Variants in SPTBN1 observed in about 807,000 individuals in gnomAD.
SPTBN1 encodes spectrin beta chain, non-erythrocytic 1.
A neutral mutation model predicts 266.4 loss-of-function variants in SPTBN1; 32 were observed. The ratio of observed to expected loss-of-function variants is 0.12; its 90% confidence interval spans 0.09 to 0.16. The LOEUF is 0.16. SPTBN1 is among the 10% of genes least tolerant of loss of function. SPTBN1 has a pLI of 1.00. For missense variants in SPTBN1, 2,296 were observed against 3,067.1 expected (o/e 0.75, Z 5.94); for synonymous variants, 1,336 against 1,162.2 (o/e 1.15, Z -3.04).
At chr2:54,560,263 C>T (rs1573414218) in intron 2 of SPTBN1, among the ~76,000 whole-genome samples, 1 of 152,012 alleles carries the variant, frequency 6.6e-6, no homozygotes, top group Non-Finnish European at 1.5e-5. Context: ...GCGTGCTCCT[C>T]CTCTTCCCCT....
In SPTBN1 at chr2:54,533,900, T is replaced by TCTCACACACACA. The variant is rs1671427483; in HGVS notation, c.148+7335_148+7336insTCACACACACAC. ...ATTGATCTCTCTCTCTGTCTCTCTCTCACACACACACACACACACACACAC... is the reference window on the plus strand; with the variant it reads ...ATTGATCTCTCTCTCTGTCTCTCTCTCTCACACACACACACACACACACACACACACACACAC... On this transcript the variant is annotated intron_variant, in intron 2 of 35. Transcript: ENST00000356805. The surrounding 1 kb of genome is among the most constrained non-coding windows in gnomAD (Gnocchi z 4.2). Among the ~76,000 whole-genome samples, 1 of 150,218 alleles carries TCTCACACACACA rather than the reference T, an allele frequency of 6.7e-6. No homozygotes were observed. The highest frequency in any genetic ancestry group is 1.5e-5 in the Non-Finnish European group (1 of 67,642).
At chr2:54,490,831 A>G (rs1415155331) in intron 1 of SPTBN1, among the ~76,000 whole-genome samples, 1 of 152,010 alleles carries the variant, frequency 6.6e-6, no homozygotes, top group Non-Finnish European at 1.5e-5. Flanking sequence ...GGGGAACAGC[A>G]GGCAGAAAGC....
chr2:54,485,029 C>G (rs1286688023), intron 1 of SPTBN1, among the ~76,000 whole-genome samples: 2 of 150,164 alleles, frequency 1.3e-5, no homozygotes, highest in African/African-American at 5.0e-5. Context: ...TCTTATCACA[C>G]AGTGTGTAGA....
intron 2 of SPTBN1, among the ~76,000 whole-genome samples, chr2:54,536,563 T>G (rs1671613353): frequency 6.6e-6 from 1 of 152,208 alleles, no homozygotes; most frequent in South Asian, 2.1e-4. Context: ...AGCAGTCCAG[T>G]GGAGAGGGGT....
rs184919996 is a variant in SPTBN1, at chr2:54,510,711, G to C, written c.-47-15661G>C. Among the ~76,000 whole-genome samples the C allele has an allele frequency of 1.5e-3, 235 of 152,302 alleles. 2 individuals are homozygous for C. Among genetic ancestry groups the C allele is most frequent in the African/African-American group, 5.0e-3 (208 of 41,570 alleles). On this transcript the variant is annotated intron_variant, in intron 1 of 35. Coordinates refer to ENST00000356805, the MANE Select transcript of SPTBN1 (RefSeq NM_003128.3). ...AGATGAAGTTATGGACTTGATTTTG[G>C]TCAAGTAAGTAGTTGAAAAATGCAG...
chr2:54,617,267 A>G (rs1379112419), intron 5 of SPTBN1, among the ~76,000 whole-genome samples: 1 of 152,190 alleles, frequency 6.6e-6, no homozygotes, highest in Non-Finnish European at 1.5e-5. Flanking sequence ...GTGTCTTTGT[A>G]GGTAGAGTAG....
intron 3 of SPTBN1, among the ~76,000 whole-genome samples, chr2:54,607,226 C>T (rs1197407260): frequency 1.3e-5 from 2 of 152,138 alleles, no homozygotes; most frequent in Non-Finnish European, 2.9e-5. Flanking sequence ...TGAAAAATAA[C>T]AATACAGAAA....
In SPTBN1 at chr2:54,653,320, G is replaced by T. The variant is rs1189314044; in HGVS notation, c.5578-289G>T. On this transcript the variant is annotated intron_variant, in intron 26 of 35. Coordinates refer to ENST00000356805, the MANE Select transcript of SPTBN1 (RefSeq NM_003128.3). This position sits in a 1 kb window ranked among gnomAD's most constrained non-coding sequence, Gnocchi z 5.1. ...AATATGTCCCACTCAGATATCCCAGGCTGCCTCCAGGGGACTTTCCCTGAC... is the reference window on the plus strand; with the variant it reads ...AATATGTCCCACTCAGATATCCCAGTCTGCCTCCAGGGGACTTTCCCTGAC... 2 of 341,848 alleles carry T rather than the reference G, an allele frequency of 5.9e-6. No homozygotes were observed. Among genetic ancestry groups the T allele is most frequent in the Non-Finnish European group, 1.1e-5 (2 of 190,064 alleles). The allele number at this position is 341,848 out of a possible 1,614,324, so 21.2% of individuals were successfully genotyped here.
intron 1 of SPTBN1, among the ~76,000 whole-genome samples, chr2:54,467,418 A>T (rs116615338): frequency 6.6e-6 from 1 of 152,150 alleles, no homozygotes. Context: ...GTTGGAGACA[A>T]AGTCTTGCTC....
chr2:54,655,934 G>C lies in SPTBN1; in HGVS notation c.5982G>C (p.Gln1994His), dbSNP rs1468250475. 6.2e-7 allele frequency: 1 copy of C among 1,613,288 alleles called. No homozygotes were observed. Among genetic ancestry groups the C allele is most frequent in the East Asian group, 2.2e-5 (1 of 44,858 alleles). ...TACAGATCAAGGAAAAATTACTGCA[G>C]TTGACGGAAAAGAGGAAAGAAATGA... ...ASEEIKEKLLQLTEKRKEMID... is the reference protein window; with the variant it reads ...ASEEIKEKLLHLTEKRKEMID... The change falls in exon 29 of 36, where the codon CAG (glutamine) becomes CAC (histidine). Residue 1994 changes from glutamine to histidine, a missense_variant. Gln to His is a conservative substitution (Grantham distance 24). Coordinates refer to ENST00000356805, the MANE Select transcript of SPTBN1 (RefSeq NM_003128.3).
intron 3 of SPTBN1, among the ~76,000 whole-genome samples, chr2:54,599,569 T>C (rs1676337764): frequency 6.6e-6 from 1 of 152,242 alleles, no homozygotes; most frequent in African/African-American, 2.4e-5. Flanking sequence ...GGCTTCTAGA[T>C]GAACCTGTGT....
At chr2:54,490,555 C>A (rs1668633715) in intron 1 of SPTBN1, among the ~76,000 whole-genome samples, 1 of 152,168 alleles carries the variant, frequency 6.6e-6, no homozygotes, top group Non-Finnish European at 1.5e-5. Flanking sequence ...TGGGAATAAG[C>A]ACTTTGAAGT....
At chr2:54,624,540 G>A (rs1486538114) in intron 10 of SPTBN1, among the ~76,000 whole-genome samples, 1 of 152,016 alleles carries the variant, frequency 6.6e-6, no homozygotes, top group Non-Finnish European at 1.5e-5. Flanking sequence ...TACTTATATT[G>A]CTTCATAGCT....
chr2:54,473,124 T>C (rs1694009742), intron 1 of SPTBN1, among the ~76,000 whole-genome samples: 1 of 152,212 alleles, frequency 6.6e-6, no homozygotes, highest in Admixed American at 6.5e-5. Context: ...CTTTGTCACT[T>C]TCCGTATTTT....
chr2:54,505,606 T>C (rs1021146990), intron 1 of SPTBN1, among the ~76,000 whole-genome samples: 9 of 152,110 alleles, frequency 5.9e-5, no homozygotes, highest in African/African-American at 1.7e-4. Flanking sequence ...TCCTGGACTT[T>C]TCCCCAGGGG....
intron 1 of SPTBN1, among the ~76,000 whole-genome samples, chr2:54,469,010 G>A (rs1300803645): frequency 6.6e-6 from 1 of 152,128 alleles, no homozygotes; most frequent in African/African-American, 2.4e-5. Flanking sequence ...CAGCTTTCTT[G>A]GGGTCTTTGT....
intron 2 of SPTBN1, among the ~76,000 whole-genome samples, chr2:54,585,400 A>G (rs1055862568): frequency 4.1e-5 from 6 of 148,052 alleles, no homozygotes; most frequent in African/African-American, 1.6e-4. Flanking sequence ...ATCTGAGGTC[A>G]TTTTTTCCTC....
chr2:54,645,586 G>A lies in SPTBN1; in HGVS notation c.4494+133G>A, dbSNP rs1679871240. The A allele has an allele frequency of 3.3e-6, 3 of 896,076 alleles. No individual in the cohort carries two copies. Among genetic ancestry groups the A allele is most frequent in the Non-Finnish European group, 5.1e-6 (3 of 591,810 alleles). 55.5% of individuals were successfully genotyped at this position (896,076 alleles called of 1,614,324 possible). A position where few individuals can be genotyped will look rare whatever the true frequency, so the allele number is the denominator to read the frequency against. ...GCTGAGCTGCCAAAGTCCACGCTCT[G>A]GATGGTCTAAAGTTTCTTTCCCTTT... is the stretch of plus-strand genomic sequence containing the variant. On this transcript the variant is annotated intron_variant, in intron 21 of 35. Coordinates refer to ENST00000356805, the MANE Select transcript of SPTBN1 (RefSeq NM_003128.3). This position sits in a 1 kb window ranked among gnomAD's most constrained non-coding sequence, Gnocchi z 4.3.
intron 2 of SPTBN1, among the ~76,000 whole-genome samples, chr2:54,569,412 A>C (rs1239849468): frequency 6.6e-6 from 1 of 152,208 alleles, no homozygotes; most frequent in Non-Finnish European, 1.5e-5. Flanking sequence ...TGACGCCCTG[A>C]AAAGAAAGAA....
Sources: gnomAD v4.1 joint callset for allele counts (sites outside exome capture counted in the v4.1 genomes callset) on GRCh38, gnomAD v4.1.1 for gene constraint, Gnocchi (gnomAD v3.1) non-coding constraint, MANE v1.5 for transcripts, NCBI Gene and HGNC (gene_info 2026-07-23, HGNC 2026-07-21) for gene names.